Variants in PLCB1 observed in about 807,000 individuals in gnomAD.
PLCB1 encodes the protein phospholipase C beta 1.
PLCB1 carries 46 observed loss-of-function variants against 161.8 expected under a neutral mutation model. The observed-to-expected ratio is 0.28, with a 90% CI of 0.22 to 0.36. The LOEUF is 0.36. Among genes scored for constraint, PLCB1 ranks in the 10% least tolerant of loss-of-function variants. The probability of loss-of-function intolerance (pLI) is 1.00; values close to 1 mark genes in which losing one functional copy is unlikely to be tolerated. For synonymous variants in PLCB1, 517 were observed against 503.7 expected (o/e 1.03, Z -0.35); for missense variants, 1,016 against 1,472.5 (o/e 0.69, Z 5.07).
intron 31 of PLCB1, among the ~76,000 whole-genome samples, chr20:8,868,743 C>T (rs4813878): frequency 0.3 from 45,406 of 151,864 alleles, 7,669 homozygotes; most frequent in East Asian, 0.65. Flanking sequence ...GTGATTCTTG[C>T]GCCTCAGCCT....
At chr20:8,786,064 A>G (rs1226901741) in intron 27 of PLCB1, among the ~76,000 whole-genome samples, 1 of 152,066 alleles carries the variant, frequency 6.6e-6, no homozygotes, top group Admixed American at 6.6e-5. Context: ...TGGAGTCCAT[A>G]GGTCCTGGAA....
intron 3 of PLCB1, among the ~76,000 whole-genome samples, chr20:8,567,327 T>G (rs1330135512): frequency 6.6e-6 from 1 of 152,122 alleles, no homozygotes; most frequent in East Asian, 1.9e-4. Flanking sequence ...TGTGGCAATT[T>G]AATTCCATTT....
At chr20:8,704,628 C>T (rs905538766) in intron 11 of PLCB1, among the ~76,000 whole-genome samples, 1 of 152,198 alleles carries the variant, frequency 6.6e-6, no homozygotes, top group Admixed American at 6.5e-5. Context: ...TTTATCCTGT[C>T]ATCTGCTTTT....
chr20:8,351,868 G>C, intron 2 of PLCB1, among the ~76,000 whole-genome samples: 1 of 152,086 alleles, frequency 6.6e-6, no homozygotes, highest in East Asian at 1.9e-4. Context: ...CACAGCAACA[G>C]TATCTCTTAT....
At chr20:8,236,281 A>G (rs901874153) in intron 2 of PLCB1, among the ~76,000 whole-genome samples, 5 of 152,148 alleles carry the variant, frequency 3.3e-5, no homozygotes, top group Non-Finnish European at 5.9e-5. Flanking sequence ...TTGTAATCCC[A>G]GTAATTTAGG....
Position 8,553,619 on chromosome 20 carries a change from G to A in PLCB1, c.247-74675G>A, listed in dbSNP as rs532414923. Among the ~76,000 whole-genome samples the A allele has an allele frequency of 2.6e-5, 4 of 152,202 alleles. No individual in the cohort carries two copies. The East Asian group carries it at 5.8e-4, about 22-fold the overall frequency. ...TCTGTAACTGCTGACAGCATTTGAG[G>A]TGTGGAAACTTTTAAGACTGAAAAA... On this transcript the variant is annotated intron_variant, in intron 3 of 31. Coordinates refer to ENST00000338037, the MANE Select transcript of PLCB1 (RefSeq NM_015192.4).
At chr20:8,610,408 T>A (rs139999447) in intron 3 of PLCB1, among the ~76,000 whole-genome samples, 1 of 152,216 alleles carries the variant, frequency 6.6e-6, no homozygotes, top group Non-Finnish European at 1.5e-5. Flanking sequence ...GGATTGTTTT[T>A]ATTTTTTGGC....
At position 8,622,497 on chromosome 20, in the gene PLCB1, A is replaced by C. The variant is rs1988214012; in HGVS notation, c.247-5797A>C. Among the ~76,000 whole-genome samples, 5 of 152,160 alleles carry C rather than the reference A, an allele frequency of 3.3e-5. 1 individual carries two copies. The South Asian group carries it at 1.0e-3, about 31-fold the overall frequency. ...TGTTTTCCGGCTATGGAAATGCAAG[A>C]GAGCACACCAGGAATGACTGTCCAC... On this transcript the variant is annotated intron_variant, in intron 3 of 31. Coordinates refer to ENST00000338037, the MANE Select transcript of PLCB1 (RefSeq NM_015192.4).
At chr20:8,152,366 C>G (rs985683599) in intron 2 of PLCB1, among the ~76,000 whole-genome samples, 1 of 152,046 alleles carries the variant, frequency 6.6e-6, no homozygotes, top group Non-Finnish European at 1.5e-5. Flanking sequence ...GCCCTGGAAC[C>G]AGTAAGAGTG....
intron 23 of PLCB1, among the ~76,000 whole-genome samples, chr20:8,747,631 G>A (rs1981239391): frequency 6.6e-6 from 1 of 152,108 alleles, no homozygotes; most frequent in South Asian, 2.1e-4. Context: ...TATTAGCTGG[G>A]TGTGCTAACA....
chr20:8,492,641 G>T (rs925518405), intron 3 of PLCB1, among the ~76,000 whole-genome samples: 1 of 152,022 alleles, frequency 6.6e-6, no homozygotes, highest in Admixed American at 6.6e-5. Flanking sequence ...GTTGGGGCTG[G>T]TGGAAATGAT....
At chr20:8,777,211 C>A (rs1483661894) in intron 27 of PLCB1, among the ~76,000 whole-genome samples, 2 of 152,030 alleles carry the variant, frequency 1.3e-5, no homozygotes, top group Non-Finnish European at 2.9e-5. Flanking sequence ...GAGGTGGGAA[C>A]TGTTGGAAGC....
chr20:8,196,720 C>T (rs1255992707), intron 2 of PLCB1, among the ~76,000 whole-genome samples: 1 of 151,374 alleles, frequency 6.6e-6, no homozygotes, highest in Non-Finnish European at 1.5e-5. Flanking sequence ...GCACAACGTG[C>T]AGGTTTGTTA....
intron 12 of PLCB1, among the ~76,000 whole-genome samples, chr20:8,709,530 C>T (rs955220167): frequency 1.3e-5 from 2 of 152,110 alleles, no homozygotes; most frequent in South Asian, 2.1e-4. Flanking sequence ...ATTTGGATTA[C>T]GAGTTTCTTT....
intron 2 of PLCB1, among the ~76,000 whole-genome samples, chr20:8,265,420 A>C (rs1012511513): frequency 6.6e-6 from 1 of 152,200 alleles, no homozygotes; most frequent in Non-Finnish European, 1.5e-5. Flanking sequence ...GGCATTTACT[A>C]TCCAAATAAT....
chr20:8,437,278 C>A (rs1980355272), intron 3 of PLCB1, among the ~76,000 whole-genome samples: 1 of 152,106 alleles, frequency 6.6e-6, no homozygotes, highest in African/African-American at 2.4e-5. Flanking sequence ...ATCAGGAAAC[C>A]AACTTAGAGT....
intron 10 of PLCB1, among the ~76,000 whole-genome samples, chr20:8,697,416 A>G (rs578149322): frequency 3.9e-5 from 6 of 152,298 alleles, no homozygotes; most frequent in Admixed American, 6.5e-5. Flanking sequence ...TATTGTTACA[A>G]TGCCCTATCT....
chr20:8,312,568 GC>G (rs1198500066), intron 2 of PLCB1, among the ~76,000 whole-genome samples: 1 of 152,104 alleles, frequency 6.6e-6, no homozygotes, highest in African/African-American at 2.4e-5. Context: ...TGCATGCGGT[GC>G]TTGGGTAGTG....
At position 8,628,430 on chromosome 20, in the gene PLCB1, A is replaced by G. The variant is rs1195565009; in HGVS notation, c.383A>G (p.Lys128Arg). 1 of 1,614,028 alleles carries G rather than the reference A, an allele frequency of 6.2e-7. No individual in the cohort carries two copies. The highest frequency in any genetic ancestry group is 8.5e-7 in the Non-Finnish European group (1 of 1,179,958). The change falls in exon 4 of 32, where the codon AAG becomes AGG. Residue 128 changes from lysine to arginine, a missense_variant and splice_region_variant. Lys to Arg is a conservative substitution (Grantham distance 26). Around this residue, in one of 10 missense-constraint regions of PLCB1, gnomAD observed 181 missense variants for 236.7 expected, o/e 0.76. Coordinates refer to ENST00000338037, the MANE Select transcript of PLCB1 (RefSeq NM_015192.4). The part of the protein sequence containing the change: ...NLVAFQEEVA[K>R]EWTNEVFSLA... ...GTGGCTTTCCAAGAAGAAGTGGCCA[A>G]GGTATGGTGGATGGAAATTGCTAAA...
Sources: allele counts gnomAD v4.1 joint callset (sites outside exome capture counted in the v4.1 genomes callset), GRCh38; gene constraint gnomAD v4.1.1; regional missense constraint gnomAD v4.1.1; transcripts MANE v1.5; gene names NCBI Gene and HGNC (gene_info 2026-07-23, HGNC 2026-07-21).